The following DLGAP2 variants were observed in gnomAD, a reference collection of about 807,000 sequenced individuals.
DLGAP2 encodes DLG associated protein 2, also known as disks large-associated protein 2.
In DLGAP2, 26 loss-of-function variants were observed where a neutral mutation model predicts 100.3. The ratio of observed to expected loss-of-function variants is 0.26; its 90% CI spans 0.19 to 0.36. DLGAP2 has a LOEUF of 0.36. Ranked by LOEUF, DLGAP2 falls within the 10% of genes least tolerant of loss-of-function variation. The pLI is 1.00. For synonymous variants in DLGAP2, 886 were observed against 630.1 expected (o/e 1.41, Z -6.08); for missense variants, 1,858 against 1,453.2 (o/e 1.28, Z -4.53).
At chr8:1,434,084 A>G (rs944470158) in intron 3 of DLGAP2, among the ~76,000 whole-genome samples, 16 of 152,102 alleles carry the variant, frequency 1.1e-4, no homozygotes, top group African/African-American at 3.4e-4. Flanking sequence ...GCTCTGTGCT[A>G]TGGGCGTGGC....
At chr8:1,700,148 C>T (rs1799526604) in intron 14 of DLGAP2, among the ~76,000 whole-genome samples, 2 of 152,206 alleles carry the variant, frequency 1.3e-5, no homozygotes, top group Non-Finnish European at 2.9e-5. Context: ...AGGCCTCCTC[C>T]GTACTCACAC....
At chr8:1,629,187 T>C (rs923281314) in intron 7 of DLGAP2, among the ~76,000 whole-genome samples, 1 of 152,218 alleles carries the variant, frequency 6.6e-6, no homozygotes, top group Non-Finnish European at 1.5e-5. Flanking sequence ...ATCGGAAGGT[T>C]GTACCCAGGA....
chr8:1,662,553 A>G (rs1798431981), intron 8 of DLGAP2, among the ~76,000 whole-genome samples: 1 of 152,270 alleles, frequency 6.6e-6, no homozygotes, highest in South Asian at 2.1e-4. Flanking sequence ...AAAGAAAACT[A>G]GACTCATTAT....
chr8:1,698,454 T>C (rs563931580), intron 14 of DLGAP2, among the ~76,000 whole-genome samples: 11 of 143,254 alleles, frequency 7.7e-5, no homozygotes, highest in East Asian at 4.3e-4. Flanking sequence ...ACGTAAGCCA[T>C]GCATGGGACA....
At chr8:1,174,593 G>T (rs539443889) in intron 2 of DLGAP2, among the ~76,000 whole-genome samples, 1 of 149,512 alleles carries the variant, frequency 6.7e-6, no homozygotes, top group South Asian at 2.2e-4. Context: ...CATCATTGTC[G>T]TCATCATCAT....
intron 2 of DLGAP2, among the ~76,000 whole-genome samples, chr8:1,060,259 G>A (rs1401863276): frequency 9.7e-5 from 14 of 143,858 alleles, no homozygotes; most frequent in Non-Finnish European, 7.4e-5. Context: ...CCAGAAGCCC[G>A]AAACCAAGGT....
chr8:1,389,338 G>A (rs1254364326), intron 3 of DLGAP2, among the ~76,000 whole-genome samples: 1 of 151,966 alleles, frequency 6.6e-6, no homozygotes, highest in Non-Finnish European at 1.5e-5. Flanking sequence ...CCAGTCAGTG[G>A]GGAGGGTGGC....
intron 3 of DLGAP2, among the ~76,000 whole-genome samples, chr8:1,467,364 G>A (rs1378345318): frequency 1.3e-5 from 2 of 150,806 alleles, no homozygotes; most frequent in East Asian, 3.9e-4. Flanking sequence ...CCCATTCACG[G>A]CCCCCCACAG....
At chr8:1,452,055 C>T (rs10866927) in intron 3 of DLGAP2, among the ~76,000 whole-genome samples, 23,562 of 152,294 alleles carry the variant, frequency 0.15, 2,091 homozygotes, top group South Asian at 0.27. Flanking sequence ...CCGAGGCATC[C>T]GGATCTGAGC....
intron 3 of DLGAP2, among the ~76,000 whole-genome samples, chr8:1,334,573 C>A (rs533440313): frequency 6.6e-6 from 1 of 152,078 alleles, no homozygotes; most frequent in Non-Finnish European, 1.5e-5. Context: ...GAGAGGTGGG[C>A]CCTTCCCCAC....
intron 8 of DLGAP2, among the ~76,000 whole-genome samples, chr8:1,652,769 G>C (rs1585034611): frequency 6.6e-6 from 1 of 152,078 alleles, no homozygotes; most frequent in African/African-American, 2.4e-5. Flanking sequence ...TTAAAATAAA[G>C]AATAACATGC....
At chr8:838,897 A>G (rs559684196) in intron 1 of DLGAP2, among the ~76,000 whole-genome samples, 4 of 152,354 alleles carry the variant, frequency 2.6e-5, no homozygotes, top group Admixed American at 2.6e-4. Context: ...GACAAACAGC[A>G]TCTGAAATGG....
rs377381844 is a variant in DLGAP2 at position 1,146,357 on chromosome 8, C to A, written c.74-112494C>A. On this transcript the variant is annotated intron_variant, in intron 2 of 14. Coordinates refer to ENST00000637795, the MANE Select transcript of DLGAP2 (RefSeq NM_001346810.2). ...TCTTTACGGATTCCAGATATGAGGC[C>A]CTTTACAAACACAGGTTTTTCTAAC... is the stretch of plus-strand genomic sequence containing the variant. Among the ~76,000 whole-genome samples the A allele has an allele frequency of 4.6e-5, 7 of 152,296 alleles. 1 individual carries two copies. The East Asian group carries it at 9.7e-4, about 21-fold the overall frequency.
At chr8:1,434,064 G>A (rs147451807) in intron 3 of DLGAP2, among the ~76,000 whole-genome samples, 290 of 152,266 alleles carry the variant, frequency 1.9e-3, no homozygotes, top group East Asian at 0.016. Context: ...CAGAAATGGC[G>A]CTGAATGAGG....
intron 4 of DLGAP2, among the ~76,000 whole-genome samples, chr8:1,535,194 G>T (rs535411913): frequency 1.6e-4 from 24 of 152,338 alleles, no homozygotes; most frequent in African/African-American, 5.8e-4. Flanking sequence ...GGCCGCCTCT[G>T]TGAAGACACT....
At chr8:1,345,740 C>G (rs1278979880) in intron 3 of DLGAP2, among the ~76,000 whole-genome samples, 1 of 152,190 alleles carries the variant, frequency 6.6e-6, no homozygotes, top group South Asian at 2.1e-4. Context: ...GATGTTGTTT[C>G]AAACACAAGT....
chr8:1,346,606 C>G (rs1801563449), intron 3 of DLGAP2, among the ~76,000 whole-genome samples: 1 of 150,812 alleles, frequency 6.6e-6, no homozygotes, highest in Non-Finnish European at 1.5e-5. Flanking sequence ...CTCATGGTAG[C>G]TGTGTGGAGG....
rs192849369 is a variant in DLGAP2 at position 1,311,042 on chromosome 8, A to G, written c.106+52159A>G. ...TATTGGCAAACCTTGAATGACACTG[A>G]CAAAGAAAAAAAAAAGAGAACACAT... is the stretch of plus-strand genomic sequence containing the variant. On this transcript the variant is annotated intron_variant, in intron 3 of 14. Transcript: ENST00000637795. 2.3e-3 allele frequency among the ~76,000 whole-genome samples: 348 copies of G among 151,966 alleles called. 2 individuals are homozygous for G. The highest frequency in any genetic ancestry group is 7.5e-3 in the African/African-American group (311 of 41,298).
chr8:1,548,690 G>A lies in DLGAP2; in HGVS notation c.237G>A (p.Arg79=), dbSNP rs774095239. 8.7e-6 allele frequency: 14 copies of A among 1,605,634 alleles called. No individual in the cohort carries two copies. Among genetic ancestry groups the A allele is most frequent in the Admixed American group, 3.4e-5 (2 of 59,488 alleles). Residue 79 remains arginine, a synonymous_variant, in exon 5 of 15, where the codon AGG becomes AGA. Transcript: ENST00000637795. ...FNEERYSPAP[R]SMKGLSGSRT... is the part of the protein sequence containing the mutation. Reference sequence around the variant, plus strand: ...AGGAGCGCTACTCGCCCGCGCCCAGGAGCATGAAGGGCCTTTCCGGAAGTC... The same window carrying A: ...AGGAGCGCTACTCGCCCGCGCCCAGAAGCATGAAGGGCCTTTCCGGAAGTC...
Sources: gnomAD v4.1 joint callset for allele counts (sites outside exome capture counted in the v4.1 genomes callset) on GRCh38, gnomAD v4.1.1 for gene constraint, MANE v1.5 for transcripts, NCBI Gene and HGNC (gene_info 2026-07-23, HGNC 2026-07-21) for gene names.